The following RABGGTB variants were observed in gnomAD, a reference collection of about 807,000 sequenced individuals.
RABGGTB encodes Rab geranylgeranyltransferase subunit beta.
RABGGTB carries 20 observed loss-of-function variants against 44.5 expected under a neutral mutation model. The observed-to-expected ratio is 0.45, with a 90% CI of 0.32 to 0.65. The LOEUF is 0.65. Among genes scored for constraint, RABGGTB ranks in the 30% least tolerant of loss-of-function variants. RABGGTB has a pLI of 0.05. For missense variants in RABGGTB, 302 were observed against 398.7 expected, an observed-to-expected ratio of 0.76 and a Z score of 2.06; for synonymous variants, 128 against 136.7, an observed-to-expected ratio of 0.94 and a Z score of 0.44.
Position 75,791,474 on chromosome 1 carries a change from C to T in RABGGTB, c.482C>T (p.Ala161Val). The T allele has an allele frequency of 6.2e-7, 1 of 1,611,688 alleles. No individual in the cohort carries two copies. The highest frequency in any genetic ancestry group is 8.5e-7 in the Non-Finnish European group (1 of 1,179,514). Residue 161 changes from alanine (A) to valine (V), a missense_variant, in exon 6 of 9, where the codon GCT becomes GTT. Ala to Val is a moderately conservative substitution (Grantham distance 64). Transcript: ENST00000319942. ...TTTTGTTTGTAGGGGAAGCTTGATG[C>T]TATTAATGTGGAAAAGGCAATCGAA... The part of the protein sequence containing the change: ...ATLALLGKLD[A>V]INVEKAIEFV...
intron 1 of RABGGTB, 123 bp downstream of exon 1, chr1:75,786,397 C>A: frequency 7.2e-7 from 1 of 1,385,702 alleles, no homozygotes; most frequent in Non-Finnish European, 1.0e-6. Context: ...GGACACAGGC[C>A]TTGGAAGGTT....
intron 4 of RABGGTB, 187 bp downstream of exon 4, chr1:75,790,244 T>C (rs1421990975): frequency 7.6e-7 from 1 of 1,307,262 alleles, no homozygotes; most frequent in Non-Finnish European, 9.7e-7. Context: ...ACAGGAGCAC[T>C]GGAACAGAGG....
intron 2 of RABGGTB, 144 bp downstream of exon 2, chr1:75,787,748 G>A: frequency 1.4e-6 from 1 of 706,460 alleles, no homozygotes; most frequent in Non-Finnish European, 2.5e-6. Context: ...CTTCAGTTAA[G>A]TGTGCTTTGG....
chr1:75,787,321 T>G, intron 1 of RABGGTB, 176 bp from the exon 2 acceptor site: 1 of 623,232 alleles, frequency 1.6e-6, no homozygotes, highest in East Asian at 2.8e-5. Context: ...TTAATTTCCC[T>G]GGCTCAAGCG....
intron 1 of RABGGTB, chr1:75,787,116 T>G (rs773342456): frequency 1.9e-6 from 1 of 536,304 alleles, no homozygotes; most frequent in South Asian, 1.4e-5. Flanking sequence ...AAGTTGATTA[T>G]TACTACTTTA....
At position 75,794,630 on chromosome 1, in the gene RABGGTB, C is replaced by T. The variant is rs762749133; in HGVS notation, c.976C>T (p.Gln326Ter). Reference sequence around the variant, plus strand: ...AGAAGTGCTTCAGAGAGTGAATGTTCAGCCTGAGCTAGTGAGCTAGATTCA... The same window carrying T: ...AGAAGTGCTTCAGAGAGTGAATGTTTAGCCTGAGCTAGTGAGCTAGATTCA... ...PEEVLQRVNV[Q>*]PELVS The change falls in exon 9 of 9, where the codon CAG (glutamine) becomes TAG (stop). Residue 326 changes from glutamine to a stop codon, truncating the protein, a stop_gained. Transcript: ENST00000319942. LOFTEE classifies it high-confidence loss of function. 9 of 1,610,528 alleles carry T rather than the reference C, an allele frequency of 5.6e-6. No individual in the cohort carries two copies. The African/African-American group carries it at 8.0e-5, about 14-fold the overall frequency.
chr1:75,792,151 T>C, intron 6 of RABGGTB, 30 bp from the exon 7 acceptor site: 2 of 1,554,942 alleles, frequency 1.3e-6, no homozygotes, highest in Non-Finnish European at 1.8e-6. Flanking sequence ...GAAATTATTA[T>C]ACACATAAAC....
At chr1:75,792,473 T>C (rs1191410451) in intron 7 of RABGGTB, among the ~76,000 whole-genome samples, 167 bp downstream of exon 7, 1 of 152,200 alleles carries the variant, frequency 6.6e-6, no homozygotes, top group Non-Finnish European at 1.5e-5. Context: ...CTTGACAAAG[T>C]AGACCCCCAT....
At position 75,789,193 on chromosome 1, in the gene RABGGTB, G is replaced by A; in HGVS notation, c.146G>A (p.Gly49Asp). The change falls in exon 3 of 9, where the codon GGC becomes GAC. Residue 49 changes from glycine (G) to aspartate (D), a missense_variant. Gly to Asp is a moderately conservative substitution (Grantham distance 94). Around this residue, in one of 2 missense-constraint regions of RABGGTB, gnomAD observed 89 missense variants for 75.0 expected, o/e 1.19. Coordinates refer to ENST00000319942, the MANE Select transcript of RABGGTB (RefSeq NM_004582.4). Reference sequence around the variant, plus strand: ...ATGTCTGAGTATTTGAGAATGAGTGGCATCTATTGGGGTCTGACAGTAATG... The same window carrying A: ...ATGTCTGAGTATTTGAGAATGAGTGACATCTATTGGGGTCTGACAGTAATG... ...YCMSEYLRMS[G>D]IYWGLTVMDL... 1 of 1,613,882 alleles carries A rather than the reference G, an allele frequency of 6.2e-7. No individual in the cohort carries two copies. Among genetic ancestry groups the A allele is most frequent in the Non-Finnish European group, 8.5e-7 (1 of 1,179,838 alleles).
intron 1 of RABGGTB, 23 bp from the exon 2 acceptor site, chr1:75,787,474 A>C (rs1649523734): frequency 1.3e-6 from 2 of 1,540,584 alleles, no homozygotes; most frequent in South Asian, 1.1e-5. Context: ...AACATTGATG[A>C]GATTACCACT....
At chr1:75,789,417 A>G (rs1258611983) in intron 3 of RABGGTB, 61 bp downstream of exon 3, 1 of 1,522,690 alleles carries the variant, frequency 6.6e-7, no homozygotes, top group Non-Finnish European at 9.1e-7. Flanking sequence ...CAGAGTTGGA[A>G]ATTGAAACTG....
intron 7 of RABGGTB, among the ~76,000 whole-genome samples, chr1:75,793,016 A>G (rs1418805095): frequency 6.6e-6 from 1 of 152,040 alleles, no homozygotes; most frequent in African/African-American, 2.4e-5. Context: ...GTTTCACCAT[A>G]TTGGCCAGGC....
At chr1:75,786,255 T>G, upstream of RABGGTB, 1 of 1,614,182 alleles carries the variant, frequency 6.2e-7, no homozygotes, top group East Asian at 2.2e-5. Flanking sequence ...CCCTGCTCTC[T>G]CCTTTCCCTG....
intron 1 of RABGGTB, chr1:75,786,947 T>G (rs1649503794): frequency 2.7e-6 from 1 of 370,760 alleles, no homozygotes; most frequent in South Asian, 1.9e-5. Flanking sequence ...AAAAATATGC[T>G]TTCTGCCACA....
intron 2 of RABGGTB, chr1:75,787,910 T>C (rs1649540009): frequency 1.7e-6 from 1 of 598,336 alleles, no homozygotes; most frequent in Admixed American, 1.9e-5. Flanking sequence ...TGTTGGCATG[T>C]ATTATCTGAA....
chr1:75,794,381 A>G (rs1649719587), intron 8 of RABGGTB, 129 bp from the exon 9 acceptor site: 3 of 1,306,792 alleles, frequency 2.3e-6, no homozygotes, highest in Non-Finnish European at 3.1e-6. Flanking sequence ...AGGATATAGA[A>G]CAATCTTACA....
At chr1:75,788,010 A>G in intron 2 of RABGGTB, 1 of 482,740 alleles carries the variant, frequency 2.1e-6, no homozygotes, top group South Asian at 1.5e-5. Flanking sequence ...TTTCGAGGAA[A>G]ACTCTGGGAC....
At position 75,789,997 on chromosome 1, in the gene RABGGTB, G is replaced by A. The variant is rs1275172607; in HGVS notation, c.355G>A (p.Val119Ile). The part of the protein sequence containing the change: ...DSINVIDVNK[V>I]VEYVKGLQKE... ...TATTAATGTTATTGACGTAAATAAA[G>A]TTGTGGAATATGTTAAAGGTCTACA... Residue 119 changes from valine (V) to isoleucine (I), a missense_variant, in exon 4 of 9, where the codon GTT becomes ATT. Val to Ile is a conservative substitution (Grantham distance 29). This residue lies in a region of RABGGTB where 213 missense variants were observed against 323.7 expected (regional missense o/e 0.66). Transcript: ENST00000319942. The A allele has an allele frequency of 4.3e-6, 7 of 1,612,524 alleles. No individual in the cohort carries two copies. In the South Asian group the frequency reaches 4.4e-5, roughly 10 times the overall value.
intron 2 of RABGGTB, chr1:75,788,059 A>G (rs1209405022): frequency 2.5e-6 from 1 of 405,942 alleles, no homozygotes; most frequent in Non-Finnish European, 4.9e-6. Flanking sequence ...AGTTAAGAGT[A>G]AATGTTTTTC....
Sources: allele counts gnomAD v4.1 joint callset (sites outside exome capture counted in the v4.1 genomes callset), GRCh38; gene constraint gnomAD v4.1.1; regional missense constraint gnomAD v4.1.1; transcripts MANE v1.5; gene names NCBI Gene and HGNC (gene_info 2026-07-23, HGNC 2026-07-21).